The following DIAPH3 variants were observed in gnomAD, a reference collection of about 807,000 sequenced individuals.
The protein encoded by DIAPH3 is diaphanous related formin 3, also known as protein diaphanous homolog 3.
Under a neutral mutation model 144.3 loss-of-function variants are expected in DIAPH3, and 117 were observed. The observed-to-expected ratio is 0.81, with a 90% CI of 0.70 to 0.95. The LOEUF (loss-of-function observed/expected upper bound fraction) is 0.95. Among genes scored for constraint, DIAPH3 ranks in the 40% least tolerant of loss-of-function variants. The probability of loss-of-function intolerance (pLI) is 0.00; values close to 1 mark genes in which losing one functional copy is unlikely to be tolerated. For missense variants in DIAPH3, 1,421 were observed against 1,412.7 expected, an observed-to-expected ratio of 1.01 and a Z score of -0.09; for synonymous variants, 519 against 488.9, an observed-to-expected ratio of 1.06 and a Z score of -0.81.
intron 27 of DIAPH3, among the ~76,000 whole-genome samples, chr13:59,758,205 C>A (rs371087738): frequency 6.6e-6 from 1 of 152,178 alleles, no homozygotes; most frequent in East Asian, 1.9e-4. Context: ...ACAGCAATTA[C>A]ACTCCTAGGT....
At chr13:60,027,486 T>C (rs1449119539) in intron 5 of DIAPH3, among the ~76,000 whole-genome samples, 1 of 152,088 alleles carries the variant, frequency 6.6e-6, no homozygotes, top group Admixed American at 6.6e-5. Context: ...GGCTATAACA[T>C]ACTGAAAGGC....
chr13:60,043,624 A>G (rs1387137189), intron 4 of DIAPH3, among the ~76,000 whole-genome samples: 2 of 152,240 alleles, frequency 1.3e-5, no homozygotes, highest in Non-Finnish European at 2.9e-5. Context: ...GGATCACTCC[A>G]GTGTGAAATA....
chr13:59,802,644 ATATTATTAT>A (rs777931224), intron 25 of DIAPH3, among the ~76,000 whole-genome samples: 5 of 61,584 alleles, frequency 8.1e-5, no homozygotes, highest in East Asian at 5.1e-4. Context: ...TTATTGATCT[ATATTATTAT>A]TATTATTATT....
chr13:59,737,114 G>A (rs1036956319), intron 27 of DIAPH3, among the ~76,000 whole-genome samples: 8 of 152,068 alleles, frequency 5.3e-5, no homozygotes, highest in Admixed American at 1.3e-4. Flanking sequence ...TGACGAAGGT[G>A]CCAAAAGCAA....
intron 5 of DIAPH3, among the ~76,000 whole-genome samples, chr13:60,033,437 C>G (rs2054958113): frequency 1.3e-5 from 2 of 152,168 alleles, no homozygotes; most frequent in South Asian, 4.1e-4. Context: ...GCTCATGGTT[C>G]TGCAGGCTGC....
rs2040201841 is a variant in DIAPH3, at chr13:59,806,539, T to G, written c.3163+4249A>C. Among the ~76,000 whole-genome samples, 2 of 152,002 alleles carry G rather than the reference T, an allele frequency of 1.3e-5. 1 individual carries two copies. Among genetic ancestry groups the G allele is most frequent in the Non-Finnish European group, 2.9e-5 (2 of 67,864 alleles). On this transcript the variant is annotated intron_variant, in intron 25 of 27. Transcript: ENST00000400324. ...GTCTCCTTAGTTCTCTGAGACCAAA[T>G]TTTGTTACTACCACCAGCCTAAGCA...
chr13:59,844,374 A>G (rs1413360489), intron 22 of DIAPH3, among the ~76,000 whole-genome samples: 1 of 151,762 alleles, frequency 6.6e-6, no homozygotes, highest in Admixed American at 6.6e-5. Flanking sequence ...CGTGGTGGCG[A>G]GCGCCTGTAG....
intron 3 of DIAPH3, among the ~76,000 whole-genome samples, chr13:60,099,434 G>T (rs1402624571): frequency 6.6e-6 from 1 of 152,168 alleles, no homozygotes; most frequent in African/African-American, 2.4e-5. Flanking sequence ...TCCAAAAAAT[G>T]CTGGGGACAC....
intron 20 of DIAPH3, among the ~76,000 whole-genome samples, chr13:59,908,369 CAAAAAAAAAAAAA>C (rs773306723): frequency 2.4e-5 from 1 of 41,162 alleles, no homozygotes; most frequent in African/African-American, 9.8e-5. Flanking sequence ...GACTCTGTCT[CAAAAAAAAAAAAA>C]AAAAAAAAAA....
At chr13:60,052,294 C>T (rs184720947) in intron 4 of DIAPH3, among the ~76,000 whole-genome samples, 7 of 152,164 alleles carry the variant, frequency 4.6e-5, no homozygotes, top group Non-Finnish European at 1.0e-4. Context: ...GAAAGATAGA[C>T]AGTGCACAGG....
intron 9 of DIAPH3, among the ~76,000 whole-genome samples, chr13:60,003,996 C>A (rs570150328): frequency 1.3e-5 from 2 of 152,140 alleles, no homozygotes; most frequent in Non-Finnish European, 2.9e-5. Flanking sequence ...TAATCATAAA[C>A]AAATTATCAT....
At chr13:60,045,336 G>A (rs528060765) in intron 4 of DIAPH3, among the ~76,000 whole-genome samples, 10 of 150,422 alleles carry the variant, frequency 6.6e-5, no homozygotes, top group Non-Finnish European at 1.0e-4. Context: ...TTGAAACTCC[G>A]TCTCAAAAAA....
intron 17 of DIAPH3, among the ~76,000 whole-genome samples, chr13:59,938,943 C>T (rs949096788): frequency 6.6e-6 from 1 of 151,930 alleles, no homozygotes; most frequent in Non-Finnish European, 1.5e-5. Context: ...ATGGTTAAAA[C>T]GGTAAAATTT....
chr13:60,008,288 C>T (rs1290675977), intron 9 of DIAPH3, among the ~76,000 whole-genome samples: 1 of 151,932 alleles, frequency 6.6e-6, no homozygotes, highest in African/African-American at 2.4e-5. Flanking sequence ...CCCAGCTACT[C>T]GGGAGGCTGA....
chr13:59,876,023 C>T (rs920733947), intron 21 of DIAPH3, among the ~76,000 whole-genome samples: 3 of 151,914 alleles, frequency 2.0e-5, no homozygotes, highest in South Asian at 2.1e-4. Flanking sequence ...GAGTTAAATT[C>T]GTAAAGGGCA....
intron 21 of DIAPH3, among the ~76,000 whole-genome samples, chr13:59,866,009 T>C (rs766847154): frequency 1.4e-4 from 22 of 151,982 alleles, no homozygotes; most frequent in Admixed American, 5.3e-4. Context: ...CAAAGCAGCA[T>C]TGAATATTTA....
chr13:60,092,468 C>T (rs1296109077), intron 4 of DIAPH3, among the ~76,000 whole-genome samples: 8 of 152,158 alleles, frequency 5.3e-5, no homozygotes, highest in African/African-American at 1.7e-4. Flanking sequence ...CTGGCTAACA[C>T]GGTGAAACCC....
chr13:59,782,446 C>T (rs113139357), intron 25 of DIAPH3, among the ~76,000 whole-genome samples: 13 of 151,996 alleles, frequency 8.6e-5, no homozygotes, highest in African/African-American at 2.7e-4. Flanking sequence ...AAAGTGATTG[C>T]CTCTGGGAAG....
intron 3 of DIAPH3, among the ~76,000 whole-genome samples, chr13:60,097,600 T>C (rs1349844717): frequency 6.6e-6 from 1 of 152,198 alleles, no homozygotes; most frequent in East Asian, 1.9e-4. Flanking sequence ...GGTATTCCTT[T>C]ATGGCAACAT....
Sources: allele counts gnomAD v4.1 joint callset (sites outside exome capture counted in the v4.1 genomes callset), GRCh38; gene constraint gnomAD v4.1.1; transcripts MANE v1.5; gene names NCBI Gene and HGNC (gene_info 2026-07-23, HGNC 2026-07-21).